Variants in UTRN observed in about 807,000 individuals in gnomAD.
UTRN encodes the protein dystrophin-related protein 1.
A neutral mutation model predicts 463.9 loss-of-function variants in UTRN; 283 were observed. That is an observed-to-expected ratio of 0.61 (90% confidence interval 0.55 to 0.67). UTRN has a LOEUF of 0.67. Among genes scored for constraint, UTRN ranks in the 30% least tolerant of loss-of-function variants. The probability of loss-of-function intolerance (pLI) is 0.00; values close to 1 mark genes in which losing one functional copy is unlikely to be tolerated. For synonymous variants in UTRN, 1,442 were observed against 1,431.5 expected, an observed-to-expected ratio of 1.01 and a Z score of -0.17; for missense variants, 3,922 against 4,084.3, an observed-to-expected ratio of 0.96 and a Z score of 1.08.
At chr6:144,477,124 G>A (rs944998655) in intron 25 of UTRN, among the ~76,000 whole-genome samples, 1 of 152,158 alleles carries the variant, frequency 6.6e-6, no homozygotes, top group Non-Finnish European at 1.5e-5. Context: ...TTTCTCCGTG[G>A]TAATGGAAGG....
At chr6:144,819,911 C>CCTCCTGT (rs11397588) in intron 65 of UTRN, among the ~76,000 whole-genome samples, 1,598 of 118,624 alleles carry the variant, frequency 0.013, 36 homozygotes, top group East Asian at 0.077. Flanking sequence ...TCCTCCTCCT[C>CCTCCTGT]CTCTCTCTCT....
intron 9 of UTRN, among the ~76,000 whole-genome samples, chr6:144,432,892 C>T (rs572543326): frequency 7.9e-5 from 12 of 152,158 alleles, no homozygotes; most frequent in South Asian, 6.2e-4. Flanking sequence ...TGACTCTTAA[C>T]GAGCATGCTG....
intron 51 of UTRN, among the ~76,000 whole-genome samples, chr6:144,647,501 T>G (rs1263777521): frequency 6.6e-6 from 1 of 152,220 alleles, no homozygotes; most frequent in Non-Finnish European, 1.5e-5. Flanking sequence ...AAACTGTTTG[T>G]TAAACCAGAA....
At chr6:144,390,371 ACTTT>A (rs1462441419) in intron 2 of UTRN, among the ~76,000 whole-genome samples, 1 of 152,144 alleles carries the variant, frequency 6.6e-6, no homozygotes, top group Non-Finnish European at 1.5e-5. Flanking sequence ...AAACTGGCTT[ACTTT>A]CTTCCGGCCT....
intron 51 of UTRN, among the ~76,000 whole-genome samples, chr6:144,586,401 A>G (rs1802468026): frequency 6.6e-6 from 1 of 152,134 alleles, no homozygotes; most frequent in Non-Finnish European, 1.5e-5. Flanking sequence ...CAGCATTGAA[A>G]TTGCCCTGAT....
chr6:144,344,387 T>C, intron 2 of UTRN: 1 of 1,290,972 alleles, frequency 7.7e-7, no homozygotes, highest in Non-Finnish European at 1.0e-6. Context: ...TTCATTCAGT[T>C]TTGTTAAGTA....
intron 3 of UTRN, among the ~76,000 whole-genome samples, chr6:144,408,335 G>A (rs1435893686): frequency 1.3e-5 from 2 of 152,336 alleles, no homozygotes; most frequent in East Asian, 3.9e-4. Context: ...AAGGGAGGCA[G>A]CAAAGGCCTC....
In UTRN at chr6:144,792,547, C is replaced by CA. The variant is rs879698665; in HGVS notation, c.8921-1276dup. Among the ~76,000 whole-genome samples the CA allele has an allele frequency of 6.7e-3, 935 of 138,526 alleles. 6 individuals are homozygous for CA. Among genetic ancestry groups the CA allele is most frequent in the Non-Finnish European group, 0.011 (683 of 63,632 alleles). 90.9% of individuals were successfully genotyped at this position (138,526 alleles called of 152,430 possible). Reference sequence around the variant, plus strand: ...GGGCAACAAGAGCAACACTCCATCTCAAAAAAAAAAAGAGAGAGAGAAAAT... The same window carrying CA: ...GGGCAACAAGAGCAACACTCCATCTCAAAAAAAAAAAAGAGAGAGAGAAAAT... On this transcript the variant is annotated intron_variant, in intron 62 of 74. Transcript: ENST00000367545.
rs540173730 is a variant in UTRN at position 144,657,392 on chromosome 6, A to G, written c.7480-21014A>G. 4.6e-5 allele frequency among the ~76,000 whole-genome samples: 7 copies of G among 152,148 alleles called. No homozygotes were observed. In the South Asian group the frequency reaches 1.0e-3, roughly 23 times the overall value. On this transcript the variant is annotated intron_variant, in intron 51 of 74. Transcript: ENST00000367545. ...ACCTTAGCAGAGGATGTCAGTTCTG[A>G]GAAGGTAGCTGATACAAAGGCAACA...
chr6:144,763,065 T>G (rs1291135037), intron 58 of UTRN, among the ~76,000 whole-genome samples: 1 of 152,180 alleles, frequency 6.6e-6, no homozygotes, highest in Non-Finnish European at 1.5e-5. Flanking sequence ...AGTGCAGATG[T>G]TAATTCTTCA....
rs79124692 is a variant in UTRN, at chr6:144,654,322, A to C, written c.7480-24084A>C. On this transcript the variant is annotated intron_variant, in intron 51 of 74. Transcript: ENST00000367545. ...AAGCATGAGAGAAATCCCACTGCTT[A>C]GTATTATACACAAAAGTATAGCTGA... is the stretch of plus-strand genomic sequence containing the variant. 6.2e-3 allele frequency among the ~76,000 whole-genome samples: 941 copies of C among 152,340 alleles called. 7 individuals are homozygous for C. Among genetic ancestry groups the C allele is most frequent in the African/African-American group, 0.022 (909 of 41,574 alleles).
At chr6:144,812,125 TAAAAC>T (rs1406508157) in intron 65 of UTRN, among the ~76,000 whole-genome samples, 1 of 152,246 alleles carries the variant, frequency 6.6e-6, no homozygotes, top group Non-Finnish European at 1.5e-5. Context: ...TGGGGAGAAT[TAAAAC>T]AAATATTTTC....
At chr6:144,464,937 C>G (rs964153533) in intron 23 of UTRN, among the ~76,000 whole-genome samples, 1 of 152,166 alleles carries the variant, frequency 6.6e-6, no homozygotes, top group Non-Finnish European at 1.5e-5. Flanking sequence ...ATCAGTGATT[C>G]TCAACCGGGG....
At chr6:144,650,251 G>T (rs112582702) in intron 51 of UTRN, among the ~76,000 whole-genome samples, 1 of 152,148 alleles carries the variant, frequency 6.6e-6, no homozygotes, top group Admixed American at 6.5e-5. Context: ...CCCACAACAC[G>T]TGGGAATTAT....
intron 69 of UTRN, among the ~76,000 whole-genome samples, chr6:144,831,645 C>T (rs887348237): frequency 2.6e-5 from 4 of 152,132 alleles, no homozygotes; most frequent in African/African-American, 9.7e-5. Flanking sequence ...ATTGATGTTA[C>T]GAATACTACA....
intron 64 of UTRN, among the ~76,000 whole-genome samples, chr6:144,801,606 A>T (rs1369597589): frequency 6.6e-6 from 1 of 152,190 alleles, no homozygotes; most frequent in Non-Finnish European, 1.5e-5. Flanking sequence ...TCCAAATAAA[A>T]TGTTAATGAA....
At chr6:144,823,232 G>T (rs1779752055) in intron 66 of UTRN, among the ~76,000 whole-genome samples, 2 of 152,204 alleles carry the variant, frequency 1.3e-5, no homozygotes, top group Admixed American at 1.3e-4. Context: ...GATGCACCAA[G>T]ATCCTTTTTG....
intron 51 of UTRN, among the ~76,000 whole-genome samples, chr6:144,628,955 G>A (rs187855742): frequency 9.2e-5 from 14 of 152,262 alleles, no homozygotes; most frequent in Admixed American, 9.1e-4. Flanking sequence ...AAATCTTTGG[G>A]CTGGAGGAAT....
At chr6:144,421,660 G>A (rs1417333536) in intron 3 of UTRN, among the ~76,000 whole-genome samples, 2 of 151,790 alleles carry the variant, frequency 1.3e-5, no homozygotes, top group Admixed American at 1.3e-4. Flanking sequence ...CTGCACTCCA[G>A]CCTGGGCGAC....
Sources: allele counts gnomAD v4.1 joint callset (sites outside exome capture counted in the v4.1 genomes callset), GRCh38; gene constraint gnomAD v4.1.1; transcripts MANE v1.5; gene names NCBI Gene and HGNC (gene_info 2026-07-23, HGNC 2026-07-21).